ELMO1: variants seen among roughly 807,000 people sequenced by gnomAD.
ELMO1 encodes the protein engulfment and cell motility protein 1.
ELMO1 carries 26 observed loss-of-function variants against 98.9 expected under a neutral mutation model. That is an observed-to-expected ratio of 0.26 (90% CI 0.19 to 0.36). ELMO1 has a LOEUF of 0.36. Ranked by LOEUF, ELMO1 falls within the 10% of genes least tolerant of loss-of-function variation. The probability of loss-of-function intolerance (pLI) is 1.00; values close to 1 mark genes in which losing one functional copy is unlikely to be tolerated. For missense variants in ELMO1, 627 were observed against 935.2 expected (o/e 0.67, Z 4.30); for synonymous variants, 346 against 346.0 (o/e 1.00, Z 0.00).
chr7:37,422,961 G>A (rs1017223457), intron 1 of ELMO1, among the ~76,000 whole-genome samples: 1 of 152,192 alleles, frequency 6.6e-6, no homozygotes, highest in Non-Finnish European at 1.5e-5. Context: ...GGTCTGTATT[G>A]TTACCCTCAT....
intron 16 of ELMO1, among the ~76,000 whole-genome samples, chr7:36,941,317 T>C (rs1377566712): frequency 1.3e-5 from 2 of 152,188 alleles, no homozygotes; most frequent in Non-Finnish European, 2.9e-5. Context: ...CTAGCACAGG[T>C]GTCAAGAGCT....
chr7:37,068,593 T>G (rs1283367417), intron 15 of ELMO1, among the ~76,000 whole-genome samples: 3 of 152,114 alleles, frequency 2.0e-5, no homozygotes, highest in African/African-American at 7.2e-5. Context: ...AACAAAACAT[T>G]TAGGATACAG....
intron 1 of ELMO1, among the ~76,000 whole-genome samples, chr7:37,405,802 C>G (rs1803732129): frequency 1.3e-5 from 2 of 152,166 alleles, no homozygotes; most frequent in Non-Finnish European, 2.9e-5. Context: ...ACTTGCTAGC[C>G]TCAGAGGACA....
intron 7 of ELMO1, among the ~76,000 whole-genome samples, chr7:37,242,540 A>G (rs1794813163): frequency 1.3e-5 from 2 of 152,210 alleles, no homozygotes; most frequent in African/African-American, 4.8e-5. Flanking sequence ...TATTGTGAAC[A>G]AAACACTGTC....
intron 13 of ELMO1, among the ~76,000 whole-genome samples, chr7:37,155,503 A>AAAAAAATAAAAT (rs61189239): frequency 6.8e-5 from 9 of 131,738 alleles, no homozygotes; most frequent in South Asian, 2.4e-4. Flanking sequence ...AAAAAAAAAA[A>AAAAAAATAAAAT]AAAAAGCAGG....
chr7:37,203,646 A>T (rs897794969), intron 13 of ELMO1, among the ~76,000 whole-genome samples: 2 of 152,178 alleles, frequency 1.3e-5, no homozygotes, highest in Admixed American at 1.3e-4. Flanking sequence ...AGCACCAGAG[A>T]CAGGGAGTGG....
At chr7:37,024,554 T>C (rs1286065597) in intron 15 of ELMO1, among the ~76,000 whole-genome samples, 1 of 152,210 alleles carries the variant, frequency 6.6e-6, no homozygotes, top group Non-Finnish European at 1.5e-5. Context: ...ACAAAGTGGA[T>C]AGGAGTGTCA....
chr7:37,035,476 T>G (rs1047562620), intron 15 of ELMO1, among the ~76,000 whole-genome samples: 8 of 152,228 alleles, frequency 5.3e-5, no homozygotes, highest in African/African-American at 1.9e-4. Context: ...TGAAAGATTT[T>G]TGTACCTGCT....
intron 15 of ELMO1, among the ~76,000 whole-genome samples, chr7:37,040,276 C>T (rs1484623679): frequency 1.3e-5 from 2 of 152,080 alleles, no homozygotes; most frequent in East Asian, 3.9e-4. Flanking sequence ...TAAAGCCAAA[C>T]AAATAGTTTG....
chr7:37,424,467 T>G (rs777825854), intron 1 of ELMO1, among the ~76,000 whole-genome samples: 4 of 152,204 alleles, frequency 2.6e-5, no homozygotes, highest in African/African-American at 4.8e-5. Flanking sequence ...CCTACAGGTA[T>G]GAGCTGATAA....
At chr7:36,910,317 T>C (rs1432050026) in intron 16 of ELMO1, among the ~76,000 whole-genome samples, 1 of 152,212 alleles carries the variant, frequency 6.6e-6, no homozygotes, top group East Asian at 1.9e-4. Context: ...TTGCAGGCAC[T>C]GGTGCCAAAT....
At chr7:37,030,559 A>G (rs969496886) in intron 15 of ELMO1, among the ~76,000 whole-genome samples, 1 of 152,116 alleles carries the variant, frequency 6.6e-6, no homozygotes, top group African/African-American at 2.4e-5. Flanking sequence ...TCGAGTGTGT[A>G]TATACTCTTG....
intron 16 of ELMO1, chr7:36,985,022 A>G: frequency 1.0e-6 from 1 of 985,398 alleles, no homozygotes; most frequent in Non-Finnish European, 1.2e-6. Context: ...AAGGGTCCCT[A>G]CAGGCAAAGA....
rs189185580 is a variant in ELMO1, at chr7:37,016,311, A to G, written c.1301-2876T>C. On this transcript the variant is annotated intron_variant, in intron 15 of 21. Coordinates refer to ENST00000310758, the MANE Select transcript of ELMO1 (RefSeq NM_014800.11). ...ATGGCATGCCAACAGCTCTACAAGC[A>G]CTATTCTTGTAACAACCCTGGAAGG... Among the ~76,000 whole-genome samples, 10 of 152,314 alleles carry G rather than the reference A, an allele frequency of 6.6e-5. No individual in the cohort carries two copies. In the East Asian group the frequency reaches 1.2e-3, roughly 18 times the overall value.
chr7:36,997,995 C>T (rs1232390487), intron 16 of ELMO1: 1 of 152,128 alleles, frequency 6.6e-6, no homozygotes, highest in Non-Finnish European at 1.5e-5. Flanking sequence ...AGATGTCATT[C>T]TCTCCCGGAA....
At chr7:37,126,296 TTTAA>T (rs1210510738) in intron 14 of ELMO1, among the ~76,000 whole-genome samples, 1 of 97,920 alleles carries the variant, frequency 1.0e-5, no homozygotes, top group African/African-American at 5.3e-5. Context: ...TAAAGTATAA[TTTAA>T]ATATATATAT....
chr7:37,377,947 C>T (rs1454673376), intron 1 of ELMO1, among the ~76,000 whole-genome samples: 1 of 152,208 alleles, frequency 6.6e-6, no homozygotes, highest in Admixed American at 6.5e-5. Context: ...AGTACTTCAG[C>T]ATATGGAAAT....
intron 15 of ELMO1, among the ~76,000 whole-genome samples, chr7:37,054,444 A>C (rs1422800084): frequency 6.6e-6 from 1 of 152,252 alleles, no homozygotes; most frequent in Non-Finnish European, 1.5e-5. Flanking sequence ...GGTTATGAGC[A>C]TAAGAACGGC....
At chr7:37,005,126 A>AAG (rs1366849618) in intron 16 of ELMO1, among the ~76,000 whole-genome samples, 1 of 147,832 alleles carries the variant, frequency 6.8e-6, no homozygotes, top group African/African-American at 2.4e-5. Context: ...AAAAAAAAAA[A>AAG]AAAAAAGAAA....
Sources: gnomAD v4.1 joint callset for allele counts (sites outside exome capture counted in the v4.1 genomes callset) on GRCh38, gnomAD v4.1.1 for gene constraint, MANE v1.5 for transcripts, NCBI Gene and HGNC (gene_info 2026-07-23, HGNC 2026-07-21) for gene names.